Variants in PCDH15 observed in about 807,000 individuals in gnomAD.
PCDH15 encodes the protein protocadherin related 15, also known as protocadherin-15.
Under a neutral mutation model 178.5 loss-of-function variants are expected in PCDH15, and 129 were observed. That is an observed-to-expected ratio of 0.72 (90% confidence interval 0.63 to 0.84). The LOEUF is 0.84. Among genes scored for constraint, PCDH15 ranks in the 40% least tolerant of loss-of-function variants. The pLI, the probability that PCDH15 is intolerant of heterozygous loss-of-function variation, is 0.00. For synonymous variants in PCDH15, 800 were observed against 732.0 expected (o/e 1.09, Z -1.50); for missense variants, 2,230 against 2,099.9 (o/e 1.06, Z -1.21).
intron 8 of PCDH15, among the ~76,000 whole-genome samples, chr10:54,297,681 AG>A (rs2059887818): frequency 1.3e-5 from 2 of 152,242 alleles, no homozygotes; most frequent in Admixed American, 6.5e-5. Flanking sequence ...CCCTTTAAGT[AG>A]GGGGAGGGGA....
intron 25 of PCDH15, among the ~76,000 whole-genome samples, chr10:53,906,673 G>A (rs1233349327): frequency 6.6e-6 from 1 of 152,150 alleles, no homozygotes; most frequent in Non-Finnish European, 1.5e-5. Flanking sequence ...GTCCAAAGAA[G>A]GCTTTTGGTA....
intron 21 of PCDH15, among the ~76,000 whole-genome samples, chr10:53,973,263 G>A (rs533344316): frequency 2.2e-5 from 3 of 138,134 alleles, no homozygotes; most frequent in African/African-American, 8.1e-5. Flanking sequence ...GACACAGGGC[G>A]AGGAACATCA....
intron 2 of PCDH15, among the ~76,000 whole-genome samples, chr10:55,138,515 T>C (rs1405366078): frequency 6.6e-6 from 1 of 152,130 alleles, no homozygotes; most frequent in African/African-American, 2.4e-5. Flanking sequence ...TGTTGTGTCC[T>C]GTAGGAGCTC....
intron 2 of PCDH15, among the ~76,000 whole-genome samples, chr10:54,991,593 AT>A (rs1245454741): frequency 1.3e-5 from 2 of 152,110 alleles, no homozygotes; most frequent in Admixed American, 1.3e-4. Flanking sequence ...TTATCCCATG[AT>A]TTTTCATTAA....
Position 54,799,458 on chromosome 10 carries a change from A to G in PCDH15, c.-29+1467T>C, listed in dbSNP as rs571475287. ...CATATTTTTAAACATTTCCTAGAAA[A>G]TGAAATGTTTTATTTAAATCTTTTT... On this transcript the variant is annotated intron_variant, in intron 1 of 37. Coordinates refer to ENST00000644397, the MANE Select transcript of PCDH15 (RefSeq NM_001384140.1). Among the ~76,000 whole-genome samples the G allele has an allele frequency of 2.0e-5, 3 of 152,274 alleles. No individual in the cohort carries two copies. The South Asian group carries it at 6.2e-4, about 32-fold the overall frequency.
chr10:53,952,495 A>G (rs543750213), intron 23 of PCDH15, among the ~76,000 whole-genome samples: 1 of 152,190 alleles, frequency 6.6e-6, no homozygotes, highest in African/African-American at 2.4e-5. Flanking sequence ...GGGCTTCAGA[A>G]GGGAGAAAGT....
chr10:53,986,268 A>G (rs2091095096), intron 21 of PCDH15, among the ~76,000 whole-genome samples: 1 of 152,248 alleles, frequency 6.6e-6, no homozygotes, highest in African/African-American at 2.4e-5. Context: ...CAAAACTACA[A>G]TCAGATATCG....
At chr10:53,830,945 T>C (rs1453189280) in intron 30 of PCDH15, among the ~76,000 whole-genome samples, 1 of 152,200 alleles carries the variant, frequency 6.6e-6, no homozygotes, top group East Asian at 1.9e-4. Context: ...CCTTTGGAGC[T>C]GGGCAGAGTG....
chr10:54,296,620 C>G (rs541303143), intron 8 of PCDH15, among the ~76,000 whole-genome samples: 1 of 152,228 alleles, frequency 6.6e-6, no homozygotes, highest in African/African-American at 2.4e-5. Flanking sequence ...GGCACCCAGG[C>G]TCACCAATCA....
chr10:54,936,680 G>C (rs1016610009), intron 2 of PCDH15, among the ~76,000 whole-genome samples: 1 of 150,068 alleles, frequency 6.7e-6, no homozygotes, highest in African/African-American at 2.4e-5. Context: ...TATCTTCATA[G>C]GAATAGTGTC....
In PCDH15 at chr10:53,950,186, TTAA is replaced by T. The variant is rs1422538688; in HGVS notation, c.3123-9214_3123-9212del. Among the ~76,000 whole-genome samples, 14 of 152,106 alleles carry T rather than the reference TTAA, an allele frequency of 9.2e-5. No homozygotes were observed. The East Asian group carries it at 1.5e-3, about 17-fold the overall frequency. ...GATTTTGAATTTGATATATTAAATT[TTAA>T]TAATAATAGAAATTGAAAAGGACTT... On this transcript the variant is annotated intron_variant, in intron 23 of 37. Coordinates refer to ENST00000644397, the MANE Select transcript of PCDH15 (RefSeq NM_001384140.1).
In PCDH15 at chr10:55,133,379, C is replaced by T. The variant is rs554103815; in HGVS notation, c.-80+33197G>A. Among the ~76,000 whole-genome samples the T allele has an allele frequency of 1.1e-3, 161 of 152,230 alleles. 1 individual carries two copies. Among genetic ancestry groups the T allele is most frequent in the African/African-American group, 1.4e-3 (57 of 41,538 alleles). ...AAATTCTAAGACACCATACTCTAAA[C>T]GTTTTCCTTCAATCTAACTGGCCAC... On this transcript the variant is annotated intron_variant, in intron 2 of 5. Coordinates refer to the PCDH15 transcript ENST00000458638.
chr10:54,671,464 G>T (rs771901119), intron 1 of PCDH15, among the ~76,000 whole-genome samples: 3 of 152,112 alleles, frequency 2.0e-5, no homozygotes, highest in Non-Finnish European at 4.4e-5. Context: ...CCTGGCTCTG[G>T]CATGAGAGAG....
At chr10:55,594,244 G>A (rs1440957572) in intron 2 of PCDH15, among the ~76,000 whole-genome samples, 1 of 151,808 alleles carries the variant, frequency 6.6e-6, no homozygotes, top group African/African-American at 2.4e-5. Flanking sequence ...TTGTTATAAT[G>A]ATTAAGTCAT....
chr10:54,777,482 AGAG>A (rs1031011341), intron 1 of PCDH15, among the ~76,000 whole-genome samples: 1 of 152,184 alleles, frequency 6.6e-6, no homozygotes, highest in African/African-American at 2.4e-5. Context: ...CATCTGGGTT[AGAG>A]GAGGATTTCA....
chr10:54,913,327 G>A (rs532934878), intron 2 of PCDH15, among the ~76,000 whole-genome samples: 9 of 152,210 alleles, frequency 5.9e-5, no homozygotes, highest in East Asian at 1.9e-4. Context: ...ACCCTGCATC[G>A]CAGCCACTCC....
At chr10:54,830,478 G>C (rs1033051587) in intron 3 of PCDH15, among the ~76,000 whole-genome samples, 1 of 151,642 alleles carries the variant, frequency 6.6e-6, no homozygotes, top group South Asian at 2.1e-4. Flanking sequence ...GCAAACTATC[G>C]CAAGGACAAA....
At chr10:53,880,241 C>A (rs1188923912) in intron 26 of PCDH15, among the ~76,000 whole-genome samples, 1 of 152,110 alleles carries the variant, frequency 6.6e-6, no homozygotes, top group Admixed American at 6.5e-5. Flanking sequence ...TACATGGCCA[C>A]AGATTCAACC....
chr10:55,002,062 C>T (rs1425727074), intron 2 of PCDH15, among the ~76,000 whole-genome samples: 1 of 152,150 alleles, frequency 6.6e-6, no homozygotes, highest in Admixed American at 6.5e-5. Context: ...GAAGATTCTA[C>T]TGGTGGAAGT....
Sources: gnomAD v4.1 joint callset for allele counts (sites outside exome capture counted in the v4.1 genomes callset) on GRCh38, gnomAD v4.1.1 for gene constraint, MANE v1.5 for transcripts, NCBI Gene and HGNC (gene_info 2026-07-23, HGNC 2026-07-21) for gene names.